Variants in SLC1A4 observed in about 807,000 individuals in gnomAD.
SLC1A4 encodes neutral amino acid transporter A.
A neutral mutation model predicts 37.7 loss-of-function variants in SLC1A4; 19 were observed. The observed-to-expected ratio is 0.50, with a 90% CI of 0.35 to 0.74. SLC1A4 has a LOEUF of 0.74. Ranked by LOEUF, SLC1A4 falls within the 30% of genes least tolerant of loss-of-function variation. The pLI is 0.01. For synonymous variants in SLC1A4, 299 were observed against 309.8 expected (o/e 0.97, Z 0.37); for missense variants, 570 against 712.9 (o/e 0.80, Z 2.28).
Position 64,989,994 on chromosome 2 carries a change from T to C in SLC1A4, c.351T>C (p.Ala117=), listed in dbSNP as rs762657236. ...ASCLGRLGGI[A]VAYFGLTTLS... Reference sequence around the variant, plus strand: ...GCCTCGGGCGTCTGGGCGGCATCGCTGTCGCCTACTTTGGCCTCACCACAC... The same window carrying C: ...GCCTCGGGCGTCTGGGCGGCATCGCCGTCGCCTACTTTGGCCTCACCACAC... Residue 117 remains alanine (A), a synonymous_variant, in exon 1 of 8, where the codon GCT becomes GCC. Transcript: ENST00000234256. The C allele has an allele frequency of 3.8e-6, 6 of 1,592,680 alleles. No individual in the cohort carries two copies. In the East Asian group the frequency reaches 6.8e-5, roughly 18 times the overall value.
At chr2:65,012,051 G>T (rs1673943184) in intron 4 of SLC1A4, among the ~76,000 whole-genome samples, 1 of 151,820 alleles carries the variant, frequency 6.6e-6, no homozygotes. Flanking sequence ...TTACAGGCAT[G>T]AGCCACTGCA....
chr2:65,009,533 T>A (rs1046836480), intron 3 of SLC1A4, among the ~76,000 whole-genome samples: 1 of 152,266 alleles, frequency 6.6e-6, no homozygotes, highest in African/African-American at 2.4e-5. Flanking sequence ...TGTCTCCAGT[T>A]AATTTGGAAA....
intron 1 of SLC1A4, among the ~76,000 whole-genome samples, chr2:64,996,187 T>G (rs1673246740): frequency 6.6e-6 from 1 of 152,188 alleles, no homozygotes; most frequent in African/African-American, 2.4e-5. Context: ...ATCCACACTA[T>G]ACCCGCCCCC....
At chr2:64,993,534 C>A (rs189598094) in intron 1 of SLC1A4, among the ~76,000 whole-genome samples, 105 of 152,300 alleles carry the variant, frequency 6.9e-4, no homozygotes, top group African/African-American at 2.2e-3. Flanking sequence ...ATCATAGTCT[C>A]TTCCTGAGCA....
chr2:65,014,473 C>G (rs141672282), intron 4 of SLC1A4, among the ~76,000 whole-genome samples: 68 of 152,286 alleles, frequency 4.5e-4, no homozygotes, highest in African/African-American at 1.6e-3. Context: ...GCTGATCAGT[C>G]TTTGTGGGAG....
Position 65,020,970 on chromosome 2 carries a change from C to G in SLC1A4, c.1423C>G (p.His475Asp), listed in dbSNP as rs754623310. ...GGATGCCCTGGGTGCAGGCATTCTCCACCACCTGAATCAGAAGGCAACAAA... is the reference window on the plus strand; with the variant it reads ...GGATGCCCTGGGTGCAGGCATTCTCGACCACCTGAATCAGAAGGCAACAAA... ...EGDALGAGIL[H>D]HLNQKATKKG... is the part of the protein sequence containing the mutation. The change falls in exon 8 of 8, where the codon CAC becomes GAC. Residue 475 changes from histidine (H) to aspartate (D), a missense_variant. Physicochemically the swap from His to Asp is moderately conservative, Grantham distance 81. Coordinates refer to ENST00000234256, the MANE Select transcript of SLC1A4 (RefSeq NM_003038.5). 6 of 1,614,230 alleles carry G rather than the reference C, an allele frequency of 3.7e-6. No individual in the cohort carries two copies. In the South Asian group the frequency reaches 6.6e-5, roughly 18 times the overall value.
chr2:64,990,933 G>A (rs1477087399), intron 1 of SLC1A4, among the ~76,000 whole-genome samples: 1 of 152,222 alleles, frequency 6.6e-6, no homozygotes, highest in Admixed American at 6.5e-5. Flanking sequence ...TTGAGATGAT[G>A]TAGTATCCTT....
Position 65,018,335 on chromosome 2 carries a change from C to A in SLC1A4, c.1229+70C>A. On this transcript the variant is annotated intron_variant, in intron 6 of 7. Transcript: ENST00000234256. The surrounding 1 kb of genome is among the most constrained non-coding windows in gnomAD (Gnocchi z 4.3). ...TTGTGATTTCCTTTGAAAAACCAATCTCACCACAACTTGGTGTCTCGCTCA... is the reference window on the plus strand; with the variant it reads ...TTGTGATTTCCTTTGAAAAACCAATATCACCACAACTTGGTGTCTCGCTCA... 1.3e-6 allele frequency: 2 copies of A among 1,505,110 alleles called. No homozygotes were observed. The highest frequency in any genetic ancestry group is 2.4e-5 in the South Asian group (2 of 83,926). 93.2% of individuals were successfully genotyped at this position (1,505,110 alleles called of 1,614,324 possible). A position where few individuals can be genotyped will look rare whatever the true frequency, so the allele number is the denominator to read the frequency against.
intron 1 of SLC1A4, among the ~76,000 whole-genome samples, chr2:64,997,167 CT>C (rs1465162355): frequency 3.3e-5 from 5 of 152,136 alleles, no homozygotes; most frequent in African/African-American, 1.2e-4. Context: ...GGTGCTTCAG[CT>C]CACTGCCACC....
chr2:65,001,899 C>T (rs1328793261), intron 2 of SLC1A4, among the ~76,000 whole-genome samples: 1 of 152,118 alleles, frequency 6.6e-6, no homozygotes, highest in Non-Finnish European at 1.5e-5. Flanking sequence ...AAAAATCATC[C>T]ATAGTCACTG....
rs1294683440 is a variant in SLC1A4, at chr2:65,018,071, C to T, written c.1035C>T (p.Ser345=). The change falls in exon 6 of 8, where the codon AGC becomes AGT. Residue 345 remains serine (S), a splice_region_variant and synonymous_variant. Coordinates refer to ENST00000234256, the MANE Select transcript of SLC1A4 (RefSeq NM_003038.5). The surrounding 1 kb of genome is among the most constrained non-coding windows in gnomAD (Gnocchi z 4.3). ...PFATAFATCS[S]SATLPSMMKC... ...GGCGGTTTGTTTTTCCCATTTCTAG[C>T]TCAGCGACCCTTCCCTCTATGATGA... 4 of 1,611,516 alleles carry T rather than the reference C, an allele frequency of 2.5e-6. No homozygotes were observed. In the African/African-American group the frequency reaches 4.0e-5, roughly 16 times the overall value.
Position 65,010,736 on chromosome 2 carries a change from C to T in SLC1A4, c.773C>T (p.Thr258Met), listed in dbSNP as rs148157449. 1.0e-4 allele frequency: 161 copies of T among 1,613,790 alleles called. No individual in the cohort carries two copies. The highest frequency in any genetic ancestry group is 4.5e-5 in the East Asian group (2 of 44,886). ...IRFFNSLNEATMVLVSWIMWY... is the reference protein window; with the variant it reads ...IRFFNSLNEAMMVLVSWIMWY... The stretch of plus-strand genomic sequence containing the variant: ...TTCTTCAATTCCCTCAACGAGGCGA[C>T]GATGGTGCTGGTGTCCTGGATTATG... Residue 258 changes from threonine (T) to methionine (M), a missense_variant, in exon 4 of 8, where the codon ACG becomes ATG. Thr to Met is a moderately conservative substitution (Grantham distance 81). Coordinates refer to ENST00000234256, the MANE Select transcript of SLC1A4 (RefSeq NM_003038.5).
In SLC1A4 at chr2:64,989,741, G is replaced by A; in HGVS notation, c.98G>A (p.Arg33Gln). Residue 33 changes from arginine (R) to glutamine (Q), a missense_variant, in exon 1 of 8, where the codon CGG becomes CAG. Coordinates refer to ENST00000234256, the MANE Select transcript of SLC1A4 (RefSeq NM_003038.5). ...CCGGGGACCGCGGCGGGACGCGCAC[G>A]GCGTTGCGCGGGCTTCCTGCGGCGC... ...GAPGTAAGRA[R>Q]RCAGFLRRQA... is the part of the protein sequence containing the mutation. The A allele has an allele frequency of 6.9e-7, 1 of 1,442,334 alleles. No homozygotes were observed. 89.3% of individuals were successfully genotyped at this position (1,442,334 alleles called of 1,614,324 possible). A position where few individuals can be genotyped will look rare whatever the true frequency, so the allele number is the denominator to read the frequency against.
chr2:64,997,106 C>G (rs147120960), intron 1 of SLC1A4, among the ~76,000 whole-genome samples: 120 of 152,186 alleles, frequency 7.9e-4, no homozygotes, highest in African/African-American at 2.8e-3. Flanking sequence ...ACTGCTCCTG[C>G]TCTTGGTCTG....
At chr2:64,997,962 A>G (rs989521969) in intron 1 of SLC1A4, among the ~76,000 whole-genome samples, 1 of 151,736 alleles carries the variant, frequency 6.6e-6, no homozygotes, top group African/African-American at 2.4e-5. Context: ...TGGCAGGCGC[A>G]GTGGCTCACG....
intron 3 of SLC1A4, among the ~76,000 whole-genome samples, chr2:65,004,420 TTTA>T (rs1440459760): frequency 6.8e-6 from 1 of 147,512 alleles, no homozygotes; most frequent in Admixed American, 6.7e-5. Flanking sequence ...CGGCTAATAT[TTTA>T]TTATTTATTT....
At chr2:65,017,495 T>TAAA (rs747628209) in intron 5 of SLC1A4, among the ~76,000 whole-genome samples, 4 of 129,926 alleles carry the variant, frequency 3.1e-5, no homozygotes, top group African/African-American at 8.6e-5. Flanking sequence ...GAGGTGGGAG[T>TAAA]AAAAAAAAAA....
chr2:65,001,243 G>C, intron 1 of SLC1A4: 1 of 549,772 alleles, frequency 1.8e-6, no homozygotes, highest in Non-Finnish European at 3.2e-6. Context: ...TGAATTTTAA[G>C]AATACTGATG....
chr2:64,989,862 C>T lies in SLC1A4; in HGVS notation c.219C>T (p.Thr73=), dbSNP rs1363347853. ...TCAGCCTGAGCCGCACGCAGGTCACCTACCTGGCCTTCCCCGGCGAGATGC... is the reference window on the plus strand; with the variant it reads ...TCAGCCTGAGCCGCACGCAGGTCACTTACCTGGCCTTCCCCGGCGAGATGC... ...RGLSLSRTQV[T]YLAFPGEMLL... The change falls in exon 1 of 8, where the codon ACC becomes ACT. Residue 73 remains threonine (T), a synonymous_variant. Transcript: ENST00000234256. The T allele has an allele frequency of 6.5e-7, 1 of 1,540,592 alleles. No homozygotes were observed. The highest frequency in any genetic ancestry group is 1.2e-5 in the South Asian group (1 of 84,124).
Sources: gnomAD v4.1 joint callset for allele counts (sites outside exome capture counted in the v4.1 genomes callset) on GRCh38, gnomAD v4.1.1 for gene constraint, Gnocchi (gnomAD v3.1) non-coding constraint, MANE v1.5 for transcripts, NCBI Gene and HGNC (gene_info 2026-07-23, HGNC 2026-07-21) for gene names.